CYRIB: variants seen among roughly 807,000 people sequenced by gnomAD.
CYRIB encodes the protein CYFIP-related Rac1 interactor B.
A neutral mutation model predicts 44.2 loss-of-function variants in CYRIB; 8 were observed. The observed-to-expected ratio is 0.18, with a 90% CI of 0.11 to 0.33. CYRIB has a LOEUF of 0.33. Among genes scored for constraint, CYRIB ranks in the 10% least tolerant of loss-of-function variants. CYRIB has a pLI of 1.00. For missense variants in CYRIB, 185 were observed against 382.8 expected, an observed-to-expected ratio of 0.48 and a Z score of 4.31; for synonymous variants, 131 against 127.2, an observed-to-expected ratio of 1.03 and a Z score of -0.20.
intron 2 of CYRIB, among the ~76,000 whole-genome samples, chr8:129,964,481 C>G (rs1157155600): frequency 6.6e-6 from 1 of 152,210 alleles, no homozygotes; most frequent in Non-Finnish European, 1.5e-5. Context: ...TATGAAGCAG[C>G]TGGGTTACCC....
intron 10 of CYRIB, 66 bp from the exon 13 acceptor site, chr8:129,846,940 T>C (rs2040394253): frequency 1.1e-5 from 10 of 895,640 alleles, no homozygotes; most frequent in East Asian, 5.1e-5. Context: ...CTTTTCAAAA[T>C]AGTAAAATAA....
chr8:129,877,272 A>G lies in CYRIB; in HGVS notation c.73+2117T>C, dbSNP rs111379027. On this transcript the variant is annotated intron_variant, in intron 3 of 11. Coordinates refer to ENST00000519824, the Ensembl canonical transcript of CYRIB. ...TATAGGCAACAATATCTGCCTTTAC[A>G]GTTAACATTTTATATGTATTTCTGC... 7.1e-3 allele frequency among the ~76,000 whole-genome samples: 1,075 copies of G among 152,288 alleles called. 13 individuals are homozygous for G. The highest frequency in any genetic ancestry group is 0.025 in the African/African-American group (1,026 of 41,548).
intron 2 of CYRIB, chr8:129,880,549 A>G (rs1041524495): frequency 4.5e-6 from 2 of 442,532 alleles, no homozygotes; most frequent in East Asian, 3.1e-4. Context: ...GCTCATAATT[A>G]TCAACAGGTG....
At chr8:129,980,847 G>A (rs1348957551) in intron 1 of CYRIB, among the ~76,000 whole-genome samples, 5 of 151,772 alleles carry the variant, frequency 3.3e-5, no homozygotes, top group African/African-American at 4.8e-5. Context: ...AGCTGGTCGT[G>A]GTGGTGCACA....
At chr8:129,899,470 T>G (rs2070287402) in intron 2 of CYRIB, among the ~76,000 whole-genome samples, 1 of 152,228 alleles carries the variant, frequency 6.6e-6, no homozygotes, top group African/African-American at 2.4e-5. Context: ...CATATAAATT[T>G]TTTTAACTAA....
chr8:129,955,543 T>C (rs1039248716), intron 2 of CYRIB, among the ~76,000 whole-genome samples: 14 of 152,182 alleles, frequency 9.2e-5, no homozygotes, highest in Admixed American at 2.6e-4. Context: ...TAGATAAGCA[T>C]TTCAAGGTAA....
intron 1 of CYRIB, among the ~76,000 whole-genome samples, chr8:129,989,973 CTCA>C (rs2096586818): frequency 6.6e-6 from 1 of 152,036 alleles, no homozygotes; most frequent in Non-Finnish European, 1.5e-5. Context: ...AGGACATGAA[CTCA>C]TCATTTTTAT....
intron 1 of CYRIB, among the ~76,000 whole-genome samples, chr8:129,904,234 T>A (rs1044914338): frequency 6.6e-6 from 1 of 152,134 alleles, no homozygotes; most frequent in Admixed American, 6.5e-5. Context: ...CTCCTCCTGA[T>A]TGTACTATCT....
intron 2 of CYRIB, among the ~76,000 whole-genome samples, chr8:129,969,866 C>A (rs2095622429): frequency 6.6e-6 from 1 of 152,228 alleles, no homozygotes; most frequent in Non-Finnish European, 1.5e-5. Context: ...ACACCCACTC[C>A]AAGAGAGACG....
intron 5 of CYRIB, 63 bp downstream of exon 7, chr8:129,862,166 C>T (rs1168073692): frequency 2.4e-6 from 3 of 1,250,146 alleles, no homozygotes; most frequent in Non-Finnish European, 3.5e-6. Flanking sequence ...AAACTCTAAA[C>T]TTCTGGAATG....
chr8:129,868,110 G>A (rs78591802), intron 4 of CYRIB, among the ~76,000 whole-genome samples: 2,228 of 152,192 alleles, frequency 0.015, 46 homozygotes, highest in African/African-American at 0.047. Flanking sequence ...TTTAATTATT[G>A]ACCTATGACT....
intron 2 of CYRIB, among the ~76,000 whole-genome samples, chr8:129,945,462 C>T (rs1471125226): frequency 1.3e-5 from 2 of 152,186 alleles, no homozygotes; most frequent in Non-Finnish European, 2.9e-5. Flanking sequence ...ATGCTAGGGA[C>T]TGAACTAGGC....
intron 4 of CYRIB, 88 bp from the exon 7 acceptor site, chr8:129,862,422 G>C: frequency 2.0e-6 from 2 of 1,001,364 alleles, no homozygotes; most frequent in South Asian, 1.4e-5. Context: ...AGCAAACATA[G>C]GAAACACTGG....
intron 2 of CYRIB, among the ~76,000 whole-genome samples, chr8:129,954,725 G>T (rs1272491485): frequency 6.6e-6 from 1 of 152,166 alleles, no homozygotes; most frequent in African/African-American, 2.4e-5. Context: ...GGACCCAGGG[G>T]GAAGATTAGA....
At chr8:129,987,347 TTAA>T (rs1432176162) in intron 1 of CYRIB, among the ~76,000 whole-genome samples, 1 of 152,058 alleles carries the variant, frequency 6.6e-6, no homozygotes, top group African/African-American at 2.4e-5. Flanking sequence ...GTTCTGCGGG[TTAA>T]TGAGAGGCTG....
At chr8:129,976,250 A>T (rs2095911234) in intron 1 of CYRIB, among the ~76,000 whole-genome samples, 1 of 152,132 alleles carries the variant, frequency 6.6e-6, no homozygotes, top group African/African-American at 2.4e-5. Context: ...CAATTACAAG[A>T]GCTCTGTAAT....
intron 2 of CYRIB, among the ~76,000 whole-genome samples, chr8:129,960,095 C>T (rs1031007395): frequency 6.6e-6 from 1 of 152,162 alleles, no homozygotes; most frequent in African/African-American, 2.4e-5. Context: ...ATGACACTTG[C>T]AATTCAAAGC....
At chr8:129,981,632 G>A (rs2096243365) in intron 1 of CYRIB, among the ~76,000 whole-genome samples, 1 of 152,192 alleles carries the variant, frequency 6.6e-6, no homozygotes, top group African/African-American at 2.4e-5. Context: ...CAGAGATAGA[G>A]AATATTATTT....
chr8:129,926,178 T>C (rs1049456478), intron 1 of CYRIB, among the ~76,000 whole-genome samples: 1 of 152,218 alleles, frequency 6.6e-6, no homozygotes, highest in Non-Finnish European at 1.5e-5. Context: ...AAATTTTCCA[T>C]GAAAAGCAGG....
Sources: allele counts gnomAD v4.1 joint callset (sites outside exome capture counted in the v4.1 genomes callset), GRCh38; gene constraint gnomAD v4.1.1; transcripts MANE v1.5; gene names NCBI Gene and HGNC (gene_info 2026-07-23, HGNC 2026-07-21).